CPQ: variants seen among roughly 807,000 people sequenced by gnomAD.
CPQ encodes the protein carboxypeptidase Q, also known as Ser-Met dipeptidase.
A neutral mutation model predicts 45.7 loss-of-function variants in CPQ; 37 were observed. The ratio of observed to expected loss-of-function variants is 0.81; its 90% CI spans 0.62 to 1.07. CPQ has a LOEUF of 1.07. CPQ is among the 50% of genes least tolerant of loss of function. The pLI is 0.00. For missense variants in CPQ, 537 were observed against 572.9 expected (o/e 0.94, Z 0.64); for synonymous variants, 186 against 205.8 (o/e 0.90, Z 0.82).
At chr8:96,815,891 T>C (rs938243809) in intron 2 of CPQ, among the ~76,000 whole-genome samples, 7 of 152,164 alleles carry the variant, frequency 4.6e-5, no homozygotes, top group African/African-American at 9.6e-5. Flanking sequence ...TTATAAATAC[T>C]ATTAATATAT....
At chr8:96,762,684 A>C (rs1810419637) in intron 1 of CPQ, among the ~76,000 whole-genome samples, 1 of 152,110 alleles carries the variant, frequency 6.6e-6, no homozygotes, top group South Asian at 2.1e-4. Flanking sequence ...AGATTGTTTT[A>C]CGGGGGAGAA....
At chr8:96,874,080 G>A (rs1418127600) in intron 3 of CPQ, among the ~76,000 whole-genome samples, 1 of 151,780 alleles carries the variant, frequency 6.6e-6, no homozygotes, top group Non-Finnish European at 1.5e-5. Context: ...AGATACACAA[G>A]AAATTTGATG....
intron 4 of CPQ, among the ~76,000 whole-genome samples, chr8:96,909,260 G>A (rs1812624111): frequency 6.6e-6 from 1 of 151,838 alleles, no homozygotes; most frequent in African/African-American, 2.4e-5. Context: ...ATTCTAGATT[G>A]TTTTAATGGC....
intron 7 of CPQ, among the ~76,000 whole-genome samples, chr8:97,089,722 A>G (rs1027962963): frequency 5.9e-5 from 9 of 152,152 alleles, no homozygotes; most frequent in African/African-American, 2.2e-4. Context: ...ATGTGTATTG[A>G]ACTCAACCTA....
At chr8:96,728,257 A>C (rs1240027629) in intron 1 of CPQ, among the ~76,000 whole-genome samples, 1 of 152,170 alleles carries the variant, frequency 6.6e-6, no homozygotes, top group East Asian at 1.9e-4. Context: ...TAGAAGAGAA[A>C]TGTTATATGG....
At chr8:96,745,785 A>G (rs943981665) in intron 1 of CPQ, among the ~76,000 whole-genome samples, 1 of 152,236 alleles carries the variant, frequency 6.6e-6, no homozygotes, top group African/African-American at 2.4e-5. Context: ...AATTCATAAA[A>G]AAGTAATGAA....
At chr8:96,856,658 T>C (rs116589436) in intron 3 of CPQ, among the ~76,000 whole-genome samples, 3,145 of 152,084 alleles carry the variant, frequency 0.021, 114 homozygotes, top group African/African-American at 0.072. Flanking sequence ...AAGGCTGAGA[T>C]ACAGAGGAGA....
chr8:96,690,077 T>C (rs1809286026), intron 1 of CPQ, among the ~76,000 whole-genome samples: 1 of 152,152 alleles, frequency 6.6e-6, no homozygotes, highest in Non-Finnish European at 1.5e-5. Flanking sequence ...TGCCTTATTT[T>C]ACTTGGGCTC....
chr8:96,944,726 G>A (rs187321099), intron 4 of CPQ, among the ~76,000 whole-genome samples: 4 of 152,262 alleles, frequency 2.6e-5, no homozygotes, highest in Admixed American at 2.0e-4. Context: ...TTTGAAAAAT[G>A]TCAAGCTGCT....
At chr8:96,931,406 A>T (rs1389001789) in intron 4 of CPQ, among the ~76,000 whole-genome samples, 13 of 152,092 alleles carry the variant, frequency 8.5e-5, no homozygotes, top group Admixed American at 8.5e-4. Context: ...TACTATTTCC[A>T]CAACACCATT....
chr8:97,056,170 G>T (rs1199997865), intron 6 of CPQ, among the ~76,000 whole-genome samples: 4 of 152,118 alleles, frequency 2.6e-5, no homozygotes. Context: ...GTGGTAATTT[G>T]TGACAGCAGC....
intron 1 of CPQ, among the ~76,000 whole-genome samples, chr8:96,779,286 A>G (rs1215515021): frequency 6.6e-6 from 1 of 152,030 alleles, no homozygotes; most frequent in Non-Finnish European, 1.5e-5. Flanking sequence ...GCTTTTCAGC[A>G]TTCCTTTTAT....
At chr8:96,921,996 A>T (rs1239093778) in intron 4 of CPQ, among the ~76,000 whole-genome samples, 1 of 152,120 alleles carries the variant, frequency 6.6e-6, no homozygotes, top group Non-Finnish European at 1.5e-5. Flanking sequence ...GTTCATGTGT[A>T]TTATATTATT....
At chr8:96,871,872 G>A (rs569474703) in intron 3 of CPQ, among the ~76,000 whole-genome samples, 4 of 151,900 alleles carry the variant, frequency 2.6e-5, no homozygotes, top group South Asian at 4.1e-4. Flanking sequence ...AGAGTTCAAC[G>A]TATATATAGA....
chr8:97,040,147 G>GT (rs1228943310), intron 6 of CPQ, among the ~76,000 whole-genome samples: 2 of 149,262 alleles, frequency 1.3e-5, no homozygotes, highest in Non-Finnish European at 3.0e-5. Flanking sequence ...AGCACCTGTT[G>GT]TTTCCTGACT....
intron 1 of CPQ, among the ~76,000 whole-genome samples, chr8:96,741,125 G>A (rs1230173541): frequency 1.3e-5 from 2 of 152,192 alleles, no homozygotes; most frequent in East Asian, 1.9e-4. Flanking sequence ...TCGTTGGTAA[G>A]CTATTGATTA....
intron 5 of CPQ, among the ~76,000 whole-genome samples, chr8:96,989,271 AGTT>A (rs1250650136): frequency 6.6e-6 from 1 of 152,090 alleles, no homozygotes; most frequent in Non-Finnish European, 1.5e-5. Context: ...ATGCGTGACC[AGTT>A]CTACAGGATG....
chr8:96,794,663 G>A (rs748159156), intron 2 of CPQ, among the ~76,000 whole-genome samples: 12 of 152,112 alleles, frequency 7.9e-5, no homozygotes, highest in Non-Finnish European at 1.2e-4. Context: ...CAAATTTTCC[G>A]AACTTTTATG....
chr8:96,663,863 A>G (rs114062866), intron 1 of CPQ, among the ~76,000 whole-genome samples: 1,789 of 152,310 alleles, frequency 0.012, 43 homozygotes, highest in African/African-American at 0.039. Flanking sequence ...CTGTAGAAAC[A>G]TAAAGGAAGT....
Sources: allele counts gnomAD v4.1 joint callset (sites outside exome capture counted in the v4.1 genomes callset), GRCh38; gene constraint gnomAD v4.1.1; transcripts MANE v1.5; gene names NCBI Gene and HGNC (gene_info 2026-07-23, HGNC 2026-07-21).